XPO1: variants seen among roughly 807,000 people sequenced by gnomAD.
XPO1 encodes exportin 1.
Under a neutral mutation model 133.3 loss-of-function variants are expected in XPO1, and 5 were observed. That is an observed-to-expected ratio of 0.04 (90% confidence interval 0.02 to 0.08). The LOEUF is 0.08. Ranked by LOEUF, XPO1 falls within the 10% of genes least tolerant of loss-of-function variation. The pLI is 1.00. For missense variants in XPO1, 506 were observed against 1,267.5 expected, an observed-to-expected ratio of 0.40 and a Z score of 9.12; for synonymous variants, 419 against 408.2, an observed-to-expected ratio of 1.03 and a Z score of -0.32.
At chr2:61,484,778 A>G (rs566440349) in intron 20 of XPO1, 1 of 152,482 alleles carries the variant, frequency 6.6e-6, no homozygotes, top group African/African-American at 2.4e-5. Context: ...ACAGGCGCCC[A>G]CCACCACACC....
Position 61,537,625 on chromosome 2 carries a change from AG to A in XPO1, c.-71del, listed in dbSNP as rs964179651. 99 of 151,274 alleles carry A rather than the reference AG, an allele frequency of 6.5e-4. No individual in the cohort carries two copies. The highest frequency in any genetic ancestry group is 1.2e-3 in the Non-Finnish European group (80 of 67,572). The allele number at this position is 151,274 out of a possible 1,614,324, so 9.4% of individuals were successfully genotyped here. On this transcript the variant is annotated 5_prime_UTR_variant, in exon 1 of 25. Transcript: ENST00000401558. Reference sequence around the variant, plus strand: ...GGGATTAGGGCGAGGGAAGGTGGGGAGGGGGGAGAGGGGACGAATCAAGGTG... The same window carrying A: ...GGGATTAGGGCGAGGGAAGGTGGGGAGGGGGAGAGGGGACGAATCAAGGTG...
intron 16 of XPO1, 39 bp downstream of exon 16, chr2:61,491,996 T>TA (rs1697025150): frequency 1.9e-6 from 3 of 1,607,212 alleles, no homozygotes; most frequent in Non-Finnish European, 2.6e-6. Flanking sequence ...ATACAAGTGT[T>TA]ACTTTCTAAA....
intron 24 of XPO1, among the ~76,000 whole-genome samples, chr2:61,480,953 A>G (rs1055213306): frequency 1.3e-5 from 2 of 152,208 alleles, no homozygotes; most frequent in Admixed American, 6.5e-5. Context: ...AATGAATTAC[A>G]TTAGTAATAA....
chr2:61,525,990 T>G (rs1698892101), intron 3 of XPO1: 7 of 1,060,324 alleles, frequency 6.6e-6, no homozygotes, highest in Non-Finnish European at 6.8e-6. Context: ...AAAAACTGAG[T>G]GCTGTCCCAT....
intron 1 of XPO1, among the ~76,000 whole-genome samples, chr2:61,535,705 T>G (rs776849260): frequency 1.3e-5 from 2 of 152,186 alleles, no homozygotes; most frequent in South Asian, 4.1e-4. Flanking sequence ...CAAGAATTGG[T>G]CCATTATTGA....
rs150057963 is a variant in XPO1 at position 61,523,020 on chromosome 2, G to C, written c.229-337C>G. On this transcript the variant is annotated intron_variant, in intron 3 of 24. Coordinates refer to ENST00000401558, the MANE Select transcript of XPO1 (RefSeq NM_003400.4). ...CCAGATATGAATTCACAGCATAAATGACTGCTCATAGGCTCACGTACTTTA... is the reference window on the plus strand; with the variant it reads ...CCAGATATGAATTCACAGCATAAATCACTGCTCATAGGCTCACGTACTTTA... 1.4e-4 allele frequency among the ~76,000 whole-genome samples: 22 copies of C among 152,328 alleles called. No homozygotes were observed. The East Asian group carries it at 4.0e-3, about 28-fold the overall frequency.
intron 16 of XPO1, among the ~76,000 whole-genome samples, chr2:61,491,497 C>CACACACACACACA (rs1204922763): frequency 2.0e-5 from 3 of 146,604 alleles, no homozygotes; most frequent in Non-Finnish European, 4.5e-5. Flanking sequence ...CACACACACA[C>CACACACACACACA]CCCAAAACAA....
chr2:61,493,747 T>A (rs1697107877), intron 12 of XPO1, 147 bp downstream of exon 12: 3 of 830,136 alleles, frequency 3.6e-6, no homozygotes, highest in Non-Finnish European at 5.8e-6. Flanking sequence ...CTCAACTCCT[T>A]TCATGTTCTA....
intron 2 of XPO1, among the ~76,000 whole-genome samples, chr2:61,529,957 T>C (rs556457786): frequency 6.6e-6 from 1 of 152,340 alleles, no homozygotes; most frequent in South Asian, 2.1e-4. Flanking sequence ...CACATTTCTA[T>C]TTGATTTCAT....
intron 9 of XPO1, 101 bp from the exon 10 acceptor site, chr2:61,497,108 AG>A: frequency 7.0e-7 from 1 of 1,430,120 alleles, no homozygotes; most frequent in Non-Finnish European, 9.3e-7. Flanking sequence ...AATTAAATAT[AG>A]GGGTAGATGT....
intron 4 of XPO1, among the ~76,000 whole-genome samples, chr2:61,513,968 A>AG (rs1698224924): frequency 6.6e-6 from 1 of 152,002 alleles, no homozygotes; most frequent in East Asian, 1.9e-4. Flanking sequence ...GTGGATCACG[A>AG]GGTCAGGAGA....
At position 61,500,578 on chromosome 2, in the gene XPO1, C is replaced by CAAAAAAAAAAAAAA. The variant is rs56213841; in HGVS notation, c.409-698_409-685dup. Among the ~76,000 whole-genome samples the CAAAAAAAAAAAAAA allele has an allele frequency of 5.9e-4, 24 of 40,406 alleles. 1 individual carries two copies. Among genetic ancestry groups the CAAAAAAAAAAAAAA allele is most frequent in the African/African-American group, 1.3e-3 (10 of 7,432 alleles). 26.5% of individuals were successfully genotyped at this position (40,406 alleles called of 152,430 possible). On this transcript the variant is annotated intron_variant, in intron 6 of 24. Coordinates refer to ENST00000401558, the MANE Select transcript of XPO1 (RefSeq NM_003400.4). ...TGGGCAACAGGATGAGACTCCATCT[C>CAAAAAAAAAAAAAA]AAAAAAAAAAAAAAAAAAAAGAGCA...
At chr2:61,533,565 T>C (rs560833135) in intron 2 of XPO1, among the ~76,000 whole-genome samples, 2 of 152,312 alleles carry the variant, frequency 1.3e-5, no homozygotes, top group East Asian at 1.9e-4. Context: ...ACAAAACAAG[T>C]ATAATATTCC....
Position 61,488,660 on chromosome 2 carries a change from T to C in XPO1, c.2134A>G (p.Arg712Gly). 1 of 1,613,920 alleles carries C rather than the reference T, an allele frequency of 6.2e-7. No homozygotes were observed. Among genetic ancestry groups the C allele is most frequent in the Non-Finnish European group, 8.5e-7 (1 of 1,179,862 alleles). The change falls in exon 18 of 25, where the codon AGA becomes GGA. Residue 712 changes from arginine (R) to glycine (G), a missense_variant. Physicochemically the swap from Arg to Gly is moderately radical, Grantham distance 125. Transcript: ENST00000401558. ...VGHPFVIQLG[R>G]IYLDMLNVYK... ...ACATTAAGCATATCTAAATAAATTC[T>C]TCCAAGCTGAATTACAAAGGGGTGT...
chr2:61,483,764 C>T (rs548948212), intron 21 of XPO1, 173 bp downstream of exon 21: 3 of 672,922 alleles, frequency 4.5e-6, no homozygotes, highest in Admixed American at 3.2e-5. Flanking sequence ...TATGGACTCA[C>T]TTGGAGTGGA....
At chr2:61,505,099 C>G (rs1697732442) in intron 4 of XPO1, among the ~76,000 whole-genome samples, 1 of 152,196 alleles carries the variant, frequency 6.6e-6, no homozygotes, top group African/African-American at 2.4e-5. Flanking sequence ...CAGCCTTGAA[C>G]TTCTGGACTC....
chr2:61,527,193 G>A (rs968199430), intron 2 of XPO1, among the ~76,000 whole-genome samples: 1 of 152,034 alleles, frequency 6.6e-6, no homozygotes, highest in Non-Finnish European at 1.5e-5. Context: ...ATCTAGGCCA[G>A]TAGCAGTGTT....
At chr2:61,519,987 T>C (rs748343335) in intron 4 of XPO1, among the ~76,000 whole-genome samples, 28 of 152,268 alleles carry the variant, frequency 1.8e-4, no homozygotes, top group South Asian at 1.2e-3. Context: ...ATTCCTCTTT[T>C]ACATGTGTTT....
intron 12 of XPO1, 150 bp from the exon 13 acceptor site, chr2:61,493,203 G>T: frequency 1.4e-6 from 1 of 726,984 alleles, no homozygotes; most frequent in Non-Finnish European, 2.1e-6. Context: ...TATTCCGGAG[G>T]GCCGAGGCAA....
Sources: allele counts gnomAD v4.1 joint callset (sites outside exome capture counted in the v4.1 genomes callset), GRCh38; gene constraint gnomAD v4.1.1; transcripts MANE v1.5; gene names NCBI Gene and HGNC (gene_info 2026-07-23, HGNC 2026-07-21).